Variants in AFAP1 observed in about 807,000 individuals in gnomAD.
AFAP1 encodes actin filament associated protein 1, also known as actin filament-associated protein 1.
A neutral mutation model predicts 93.9 loss-of-function variants in AFAP1; 75 were observed. That is an observed-to-expected ratio of 0.80 (90% confidence interval 0.66 to 0.97). The LOEUF (loss-of-function observed/expected upper bound fraction) is 0.97. Ranked by LOEUF, AFAP1 falls within the 50% of genes least tolerant of loss-of-function variation. AFAP1 has a pLI of 0.00. For missense variants in AFAP1, 1,201 were observed against 1,050.8 expected, an observed-to-expected ratio of 1.14 and a Z score of -1.98; for synonymous variants, 517 against 430.7, an observed-to-expected ratio of 1.20 and a Z score of -2.48.
chr4:7,771,782 G>C (rs999077687), intron 16 of AFAP1, among the ~76,000 whole-genome samples: 4 of 152,192 alleles, frequency 2.6e-5, no homozygotes, highest in Admixed American at 2.6e-4. Flanking sequence ...CTGGCTGCTT[G>C]CTCAGCTCTG....
chr4:7,857,992 A>C (rs960188923), intron 3 of AFAP1, among the ~76,000 whole-genome samples: 1 of 152,234 alleles, frequency 6.6e-6, no homozygotes, highest in African/African-American at 2.4e-5. Flanking sequence ...CATATGAAAA[A>C]AACCACATAA....
At chr4:7,884,682 TC>T (rs1442981563) in intron 1 of AFAP1, among the ~76,000 whole-genome samples, 1 of 152,080 alleles carries the variant, frequency 6.6e-6, no homozygotes, top group Non-Finnish European at 1.5e-5. Context: ...CCAGAAAAAC[TC>T]TAAAGATACT....
At chr4:7,881,511 G>A (rs547279827) in intron 1 of AFAP1, among the ~76,000 whole-genome samples, 5 of 152,274 alleles carry the variant, frequency 3.3e-5, no homozygotes, top group African/African-American at 4.8e-5. Flanking sequence ...GGCCAGGCGC[G>A]GTGGCTCCCA....
chr4:7,897,090 G>T (rs571483055), intron 1 of AFAP1, among the ~76,000 whole-genome samples: 2 of 152,050 alleles, frequency 1.3e-5, no homozygotes, highest in South Asian at 4.1e-4. Context: ...CCAATCCCAT[G>T]ATGTTTATCT....
intron 1 of AFAP1, among the ~76,000 whole-genome samples, chr4:7,873,405 G>C (rs1346710481): frequency 1.8e-5 from 2 of 109,182 alleles, no homozygotes; most frequent in Non-Finnish European, 3.4e-5. Context: ...CTGGAGTGCA[G>C]TGGCACGATC....
chr4:7,806,241 C>T (rs1015556725), intron 9 of AFAP1, among the ~76,000 whole-genome samples: 1 of 152,216 alleles, frequency 6.6e-6, no homozygotes, highest in Non-Finnish European at 1.5e-5. Context: ...GGCGGGCGGA[C>T]CTGGCCAGCC....
rs1031205659 is a variant in AFAP1 at position 7,849,131 on chromosome 4, G to T, written c.335-5781C>A. Among the ~76,000 whole-genome samples the T allele has an allele frequency of 2.0e-5, 3 of 152,250 alleles. No individual in the cohort carries two copies. The East Asian group carries it at 5.8e-4, about 29-fold the overall frequency. On this transcript the variant is annotated intron_variant, in intron 4 of 17. Transcript: ENST00000420658. ...GTTCTCAAGGGGACTGGAGCGCCAC[G>T]CAGACCCTGCCTTTTCGTTTCAATG...
chr4:7,858,415 C>A (rs73090508), intron 3 of AFAP1, among the ~76,000 whole-genome samples: 14,122 of 152,166 alleles, frequency 0.093, 1,233 homozygotes, highest in East Asian at 0.48. Context: ...CTCTCAAATA[C>A]CACTTATCCT....
chr4:7,824,597 C>T (rs1445621825), intron 6 of AFAP1, among the ~76,000 whole-genome samples: 2 of 152,086 alleles, frequency 1.3e-5, no homozygotes, highest in African/African-American at 4.8e-5. Flanking sequence ...TGACAAAGGG[C>T]GTGTGCAACT....
chr4:7,825,358 A>G lies in AFAP1; in HGVS notation c.727-6187T>C, dbSNP rs77131534. On this transcript the variant is annotated intron_variant, in intron 6 of 17. Coordinates refer to ENST00000420658, the MANE Select transcript of AFAP1 (RefSeq NM_001134647.2). ...GTTCTTTAGTTTTTAAAAAAAATCT[A>G]CCTCAGTCACCAAGACGTGGCCTTT... Among the ~76,000 whole-genome samples, 105 of 152,312 alleles carry G rather than the reference A, an allele frequency of 6.9e-4. 1 individual carries two copies. The East Asian group carries it at 0.019, about 27-fold the overall frequency.
rs575992300 is a variant in AFAP1 at position 7,779,697 on chromosome 4, C to A, written c.1783-821G>T. ...TATCAATCATTTAGGAGAAGTTGAG[C>A]AAGTTATTTAAACTTTCTGAGCCGC... On this transcript the variant is annotated intron_variant, in intron 13 of 17. Coordinates refer to ENST00000420658, the MANE Select transcript of AFAP1 (RefSeq NM_001134647.2). 2.6e-5 allele frequency among the ~76,000 whole-genome samples: 4 copies of A among 152,262 alleles called. No individual in the cohort carries two copies. The South Asian group carries it at 8.3e-4, about 32-fold the overall frequency.
chr4:7,814,056 G>A (rs1173704574), intron 8 of AFAP1, among the ~76,000 whole-genome samples: 7 of 152,110 alleles, frequency 4.6e-5, no homozygotes, highest in African/African-American at 1.4e-4. Context: ...CTTCACCTCC[G>A]TCCACATACT....
chr4:7,925,800 G>A lies in AFAP1; in HGVS notation c.-3+13856C>T, dbSNP rs182769607. The stretch of plus-strand genomic sequence containing the variant: ...GCAGAGGTTATGGTGAGTGGAGATC[G>A]TGCCCATGCACTCCAGCCTAGGCAA... On this transcript the variant is annotated intron_variant, in intron 1 of 17. Coordinates refer to ENST00000420658, the MANE Select transcript of AFAP1 (RefSeq NM_001134647.2). Among the ~76,000 whole-genome samples the A allele has an allele frequency of 8.6e-3, 1,302 of 151,360 alleles. 6 individuals carry two copies. The highest frequency in any genetic ancestry group is 0.013 in the Non-Finnish European group (915 of 67,908).
At chr4:7,827,311 C>A (rs149997107) in intron 6 of AFAP1, among the ~76,000 whole-genome samples, 1,713 of 152,196 alleles carry the variant, frequency 0.011, 25 homozygotes, top group African/African-American at 0.038. Flanking sequence ...GTGGCTCATG[C>A]CTGTCATCCC....
At position 7,793,723 on chromosome 4, in the gene AFAP1, T is replaced by C; in HGVS notation, c.1370A>G (p.Glu457Gly). The change falls in exon 11 of 18, where the codon GAG becomes GGG. Residue 457 changes from glutamate to glycine, a missense_variant. By Grantham distance (98) the Glu-to-Gly change is moderately conservative (BLOSUM62 -2). Coordinates refer to ENST00000420658, the MANE Select transcript of AFAP1 (RefSeq NM_001134647.2). Reference sequence around the variant, plus strand: ...TGTCTGAATGACACTTGCAGACATCTCCACATCAATGTAGTCATAGTGCAG... The same window carrying C: ...TGTCTGAATGACACTTGCAGACATCCCCACATCAATGTAGTCATAGTGCAG... Reference protein sequence around the residue: ...EALHYDYIDVEMSASVIQTAK... With the variant: ...EALHYDYIDVGMSASVIQTAK... The C allele has an allele frequency of 6.3e-7, 1 of 1,578,368 alleles. No homozygotes were observed. Among genetic ancestry groups the C allele is most frequent in the Non-Finnish European group, 8.7e-7 (1 of 1,152,342 alleles).
chr4:7,913,344 C>G (rs577061776), intron 1 of AFAP1, among the ~76,000 whole-genome samples: 2 of 148,626 alleles, frequency 1.3e-5, no homozygotes, highest in South Asian at 2.1e-4. Context: ...GAGCCATGAT[C>G]GCACCACTAC....
intron 6 of AFAP1, among the ~76,000 whole-genome samples, chr4:7,833,123 C>T (rs1711828075): frequency 6.6e-6 from 1 of 152,174 alleles, no homozygotes; most frequent in Admixed American, 6.5e-5. Context: ...AACACAAAAG[C>T]AAATGTGATA....
Position 7,819,083 on chromosome 4 carries a change from A to C in AFAP1, c.815T>G (p.Leu272Arg), listed in dbSNP as rs1720735570. 1 of 1,610,694 alleles carries C rather than the reference A, an allele frequency of 6.2e-7. No homozygotes were observed. The highest frequency in any genetic ancestry group is 1.7e-5 in the Admixed American group (1 of 59,354). ...CAAGAGCAGCGCCCTTACCTTCTCCAGTTCTGCCTTGTGCACCGGGGAGCT... is the reference window on the plus strand; with the variant it reads ...CAAGAGCAGCGCCCTTACCTTCTCCCGTTCTGCCTTGTGCACCGGGGAGCT... ...PPSSPVHKAE[L>R]EKKLSSERPS... The change falls in exon 7 of 18, where the codon CTG becomes CGG. Residue 272 changes from leucine to arginine, a missense_variant. Coordinates refer to ENST00000420658, the MANE Select transcript of AFAP1 (RefSeq NM_001134647.2).
At chr4:7,780,717 G>C (rs1362771474) in intron 13 of AFAP1, among the ~76,000 whole-genome samples, 1 of 152,052 alleles carries the variant, frequency 6.6e-6, no homozygotes, top group Non-Finnish European at 1.5e-5. Flanking sequence ...TAGATACAGG[G>C]TGTGCAATGG....
Sources: gnomAD v4.1 joint callset for allele counts (sites outside exome capture counted in the v4.1 genomes callset) on GRCh38, gnomAD v4.1.1 for gene constraint, MANE v1.5 for transcripts, NCBI Gene and HGNC (gene_info 2026-07-23, HGNC 2026-07-21) for gene names.